The following NUP133 variants were observed in gnomAD, a reference collection of about 807,000 sequenced individuals.
The protein encoded by NUP133 is nucleoporin 133.
In NUP133, 66 loss-of-function variants were observed where a neutral mutation model predicts 146.2. That is an observed-to-expected ratio of 0.45 (90% CI 0.37 to 0.55). The LOEUF (loss-of-function observed/expected upper bound fraction) is 0.55. Among genes scored for constraint, NUP133 ranks in the 20% least tolerant of loss-of-function variants. NUP133 has a pLI of 0.00. For missense variants in NUP133, 1,277 were observed against 1,374.8 expected (o/e 0.93, Z 1.12); for synonymous variants, 521 against 498.8 (o/e 1.04, Z -0.59).
At chr1:229,502,200 C>T in intron 2 of NUP133, 98 bp from the exon 3 acceptor site, 2 of 805,506 alleles carry the variant, frequency 2.5e-6, no homozygotes, top group South Asian at 3.0e-5. Context: ...TCAGAAACGA[C>T]TACCTCACAA....
chr1:229,464,960 T>G (rs1197328867), intron 17 of NUP133, 85 bp from the exon 18 acceptor site: 3 of 1,473,340 alleles, frequency 2.0e-6, no homozygotes, highest in Non-Finnish European at 1.9e-6. Flanking sequence ...AAATTATGCC[T>G]CTTCATCACT....
chr1:229,508,338 A>C lies in NUP133; in HGVS notation c.-89T>G, dbSNP rs1162200715. 3.0e-6 allele frequency: 3 copies of C among 998,362 alleles called. No homozygotes were observed. Among genetic ancestry groups the C allele is most frequent in the African/African-American group, 3.4e-5 (2 of 58,750 alleles). 61.8% of individuals were successfully genotyped at this position (998,362 alleles called of 1,614,324 possible). The stretch of plus-strand genomic sequence containing the variant: ...GCGCGGAACTTAAACACCTAAGGGA[A>C]GAGATGGCGCGCGATGATGACGTCA... On this transcript the variant is annotated 5_prime_UTR_variant, in exon 1 of 26. Transcript: ENST00000261396.
chr1:229,479,453 T>C (rs975016266), intron 12 of NUP133, among the ~76,000 whole-genome samples: 1 of 152,176 alleles, frequency 6.6e-6, no homozygotes, highest in Non-Finnish European at 1.5e-5. Flanking sequence ...AACTTCATCA[T>C]AGGTACTATA....
chr1:229,461,810 TAAAA>T (rs1660697603), intron 19 of NUP133, among the ~76,000 whole-genome samples: 1 of 150,482 alleles, frequency 6.6e-6, no homozygotes, highest in Non-Finnish European at 1.5e-5. Context: ...AAAATAATTT[TAAAA>T]TCATGATCAG....
chr1:229,479,793 A>G (rs888109381), intron 12 of NUP133, among the ~76,000 whole-genome samples: 3 of 152,202 alleles, frequency 2.0e-5, no homozygotes, highest in African/African-American at 7.2e-5. Flanking sequence ...AAGGAGGAGA[A>G]AAGATCACCG....
chr1:229,460,055 G>A (rs144382930), intron 20 of NUP133, among the ~76,000 whole-genome samples: 68 of 152,134 alleles, frequency 4.5e-4, no homozygotes, highest in East Asian at 1.7e-3. Flanking sequence ...ACAGCCATTC[G>A]AACAAATGTA....
At chr1:229,442,191 G>A in intron 25 of NUP133, 151 bp from the exon 26 acceptor site, 3 of 732,456 alleles carry the variant, frequency 4.1e-6, no homozygotes, top group Non-Finnish European at 6.4e-6. Flanking sequence ...CCTTCCATCT[G>A]TCAAACATAC....
intron 23 of NUP133, among the ~76,000 whole-genome samples, chr1:229,449,870 TA>T (rs1251981143): frequency 5.6e-5 from 6 of 106,860 alleles, no homozygotes; most frequent in East Asian, 2.4e-4. Context: ...TATATATATA[TA>T]TATTTTTTTT....
chr1:229,475,761 A>G, intron 13 of NUP133, 29 bp from the exon 14 acceptor site: 1 of 1,534,272 alleles, frequency 6.5e-7, no homozygotes, highest in Non-Finnish European at 9.0e-7. Flanking sequence ...AAAACTTAGA[A>G]CATAGTGGTT....
intron 25 of NUP133, among the ~76,000 whole-genome samples, chr1:229,442,759 G>T (rs1660213015): frequency 6.7e-6 from 1 of 148,956 alleles, no homozygotes; most frequent in Non-Finnish European, 1.5e-5. Flanking sequence ...TGCTGGCCAG[G>T]CAATGGCGCG....
intron 8 of NUP133, among the ~76,000 whole-genome samples, chr1:229,494,951 T>C (rs1232426589): frequency 6.6e-6 from 1 of 152,226 alleles, no homozygotes; most frequent in Admixed American, 6.5e-5. Flanking sequence ...AGAAAAGCTT[T>C]GTCTCTAACG....
At chr1:229,455,197 A>T (rs535879193) in intron 21 of NUP133, among the ~76,000 whole-genome samples, 63 of 152,356 alleles carry the variant, frequency 4.1e-4, no homozygotes, top group Admixed American at 6.5e-4. Flanking sequence ...CCACATAACC[A>T]GATATCCATA....
chr1:229,507,788 T>TAGC (rs2102791258), intron 1 of NUP133: 1 of 345,400 alleles, frequency 2.9e-6, no homozygotes, highest in African/African-American at 2.2e-5. Context: ...ATCACACGGG[T>TAGC]AGTAGGTGGG....
chr1:229,454,032 G>A (rs1356837483), intron 21 of NUP133, among the ~76,000 whole-genome samples: 21 of 152,160 alleles, frequency 1.4e-4, no homozygotes, highest in Admixed American at 1.4e-3. Flanking sequence ...CTGCATGTAA[G>A]TGGACCCATG....
chr1:229,462,372 G>A (rs1453538429), intron 19 of NUP133, among the ~76,000 whole-genome samples: 5 of 152,240 alleles, frequency 3.3e-5, no homozygotes, highest in Non-Finnish European at 7.4e-5. Flanking sequence ...TAAACCAAAT[G>A]CTTAAAAGGT....
intron 24 of NUP133, among the ~76,000 whole-genome samples, chr1:229,447,062 T>C (rs1375679067): frequency 1.3e-5 from 2 of 152,030 alleles, no homozygotes; most frequent in Non-Finnish European, 2.9e-5. Context: ...AGGCGGAGGT[T>C]GTGGTGAGCC....
intron 8 of NUP133, among the ~76,000 whole-genome samples, chr1:229,491,609 T>C (rs1661517145): frequency 6.6e-6 from 1 of 152,160 alleles, no homozygotes; most frequent in Admixed American, 6.5e-5. Context: ...CAAAATCCCA[T>C]CTCTACTAAA....
At position 229,498,285 on chromosome 1, in the gene NUP133, A is replaced by T; in HGVS notation, c.670T>A (p.Ser224Thr). 2 of 1,587,540 alleles carry T rather than the reference A, an allele frequency of 1.3e-6. No individual in the cohort carries two copies. Among genetic ancestry groups the T allele is most frequent in the Non-Finnish European group, 1.7e-6 (2 of 1,171,448 alleles). The change falls in exon 6 of 26, where the codon TCA becomes ACA. Residue 224 changes from serine (S) to threonine (T), a missense_variant. Ser to Thr is a moderately conservative substitution (Grantham distance 58, BLOSUM62 1). This residue lies in a region of NUP133 where 319 missense variants were observed against 306.9 expected (regional missense o/e 1.04). Transcript: ENST00000261396. ...AVQGGSFILS[S>T]SGSQLIRLIP... Reference sequence around the variant, plus strand: ...AACCGAATTAGTTGGCTTCCTGATGAAGACAAAATAAAACTTCCTCCCTGT... The same window carrying T: ...AACCGAATTAGTTGGCTTCCTGATGTAGACAAAATAAAACTTCCTCCCTGT...
In NUP133 at chr1:229,488,676, T is replaced by TTA. The variant is rs1558104314; in HGVS notation, c.1195-1064_1195-1063insTA. ...AAACAAGTCATGTTAAGAGTAAGGA[T>TTA]CAAAAAAAAAAAAAAAGTAAGAATT... On this transcript the variant is annotated intron_variant, in intron 9 of 25. Coordinates refer to ENST00000261396, the MANE Select transcript of NUP133 (RefSeq NM_018230.3). Among the ~76,000 whole-genome samples, 7 of 141,380 alleles carry TTA rather than the reference T, an allele frequency of 5.0e-5. No individual in the cohort carries two copies. In the East Asian group the frequency reaches 6.0e-4, roughly 12 times the overall value. 92.8% of individuals were successfully genotyped at this position (141,380 alleles called of 152,430 possible). A position where few individuals can be genotyped will look rare whatever the true frequency, so the allele number is the denominator to read the frequency against.
Sources: gnomAD v4.1 joint callset for allele counts (sites outside exome capture counted in the v4.1 genomes callset) on GRCh38, gnomAD v4.1.1 for gene constraint, gnomAD v4.1.1 regional missense constraint, MANE v1.5 for transcripts, NCBI Gene and HGNC (gene_info 2026-07-23, HGNC 2026-07-21) for gene names.